Variants in KIAA0825 observed in about 807,000 individuals in gnomAD.
The protein encoded by KIAA0825 is KIAA0825.
KIAA0825 carries 119 observed loss-of-function variants against 147.6 expected under a neutral mutation model. The ratio of observed to expected loss-of-function variants is 0.81; its 90% CI spans 0.69 to 0.94. KIAA0825 has a LOEUF of 0.94. Among genes scored for constraint, KIAA0825 ranks in the 40% least tolerant of loss-of-function variants. The pLI, the probability that KIAA0825 is intolerant of heterozygous loss-of-function variation, is 0.00. For missense variants in KIAA0825, 1,381 were observed against 1,472.7 expected (o/e 0.94, Z 1.02); for synonymous variants, 470 against 518.1 (o/e 0.91, Z 1.26).
chr5:94,397,099 T>C (rs1750762561), intron 16 of KIAA0825, among the ~76,000 whole-genome samples: 1 of 152,118 alleles, frequency 6.6e-6, no homozygotes, highest in Admixed American at 6.6e-5. Context: ...GCACTCCCCA[T>C]CATCTAATAA....
intron 2 of KIAA0825, among the ~76,000 whole-genome samples, chr5:94,537,825 T>C (rs925158381): frequency 6.6e-6 from 1 of 152,048 alleles, no homozygotes; most frequent in Non-Finnish European, 1.5e-5. Flanking sequence ...CCTTTGTCAA[T>C]ATACTCACCT....
At chr5:94,426,018 T>G (rs1244824731) in intron 14 of KIAA0825, among the ~76,000 whole-genome samples, 4 of 138,750 alleles carry the variant, frequency 2.9e-5, no homozygotes, top group Non-Finnish European at 6.3e-5. Flanking sequence ...TGGATAATTT[T>G]TGTATTATTA....
chr5:94,420,908 A>G (rs1754098849), intron 14 of KIAA0825, among the ~76,000 whole-genome samples: 1 of 150,646 alleles, frequency 6.6e-6, no homozygotes, highest in Admixed American at 6.6e-5. Context: ...ACACATAATT[A>G]CCTGCTAGTC....
intron 20 of KIAA0825, among the ~76,000 whole-genome samples, chr5:94,177,046 G>C (rs1738803925): frequency 6.6e-6 from 1 of 152,022 alleles, no homozygotes; most frequent in African/African-American, 2.4e-5. Flanking sequence ...GCACACCACA[G>C]ATAATAAAAC....
chr5:94,182,239 A>G (rs1390209142), intron 20 of KIAA0825, among the ~76,000 whole-genome samples: 1 of 50,916 alleles, frequency 2.0e-5, no homozygotes, highest in African/African-American at 6.8e-5. Context: ...ACATAACTTA[A>G]AATGTCCCTT....
At chr5:94,402,890 A>C (rs1199270735) in intron 16 of KIAA0825, among the ~76,000 whole-genome samples, 1 of 152,084 alleles carries the variant, frequency 6.6e-6, no homozygotes, top group Non-Finnish European at 1.5e-5. Context: ...GAATCTTGTG[A>C]AATTCTGGAA....
chr5:94,518,855 A>G (rs920477301), intron 5 of KIAA0825, among the ~76,000 whole-genome samples: 1 of 152,146 alleles, frequency 6.6e-6, no homozygotes, highest in Non-Finnish European at 1.5e-5. Context: ...ATAGCAACTT[A>G]CACACATTTT....
intron 2 of KIAA0825, among the ~76,000 whole-genome samples, chr5:94,582,108 T>G (rs560459645): frequency 6.6e-6 from 1 of 152,386 alleles, no homozygotes; most frequent in East Asian, 1.9e-4. Flanking sequence ...CAGTTAGTGG[T>G]GGTTTTATCT....
intron 11 of KIAA0825, among the ~76,000 whole-genome samples, chr5:94,463,119 T>C (rs1356128870): frequency 6.6e-6 from 1 of 151,696 alleles, no homozygotes; most frequent in African/African-American, 2.4e-5. Flanking sequence ...TTAAATAAAT[T>C]TGTGGAAAAT....
chr5:94,234,907 A>G (rs1056771513), intron 20 of KIAA0825, among the ~76,000 whole-genome samples: 1 of 152,170 alleles, frequency 6.6e-6, no homozygotes, highest in Non-Finnish European at 1.5e-5. Context: ...AGGGGCATCA[A>G]CTGCGCCCAC....
At chr5:94,157,183 A>G (rs1412456228) in intron 20 of KIAA0825, among the ~76,000 whole-genome samples, 3 of 152,122 alleles carry the variant, frequency 2.0e-5, no homozygotes, top group Non-Finnish European at 4.4e-5. Context: ...ATTATGAGGT[A>G]ATTATATTTT....
chr5:94,184,751 G>C (rs1372013340), intron 20 of KIAA0825, among the ~76,000 whole-genome samples: 1 of 151,844 alleles, frequency 6.6e-6, no homozygotes. Context: ...AAAATATTAG[G>C]GTTTAAATGC....
chr5:94,515,438 A>G (rs139267446), intron 5 of KIAA0825, among the ~76,000 whole-genome samples: 2 of 152,198 alleles, frequency 1.3e-5, no homozygotes, highest in African/African-American at 4.8e-5. Context: ...TTAAAGCCTT[A>G]TAAGCTAAAT....
At chr5:94,471,761 A>G in intron 8 of KIAA0825, 30 bp from the exon 9 acceptor site, 10 of 1,548,074 alleles carry the variant, frequency 6.5e-6, no homozygotes, top group Non-Finnish European at 7.9e-6. Flanking sequence ...GCACTGAGTT[A>G]TTTGTATTCT....
chr5:94,588,957 G>A (rs753993351), intron 1 of KIAA0825, among the ~76,000 whole-genome samples: 23 of 152,258 alleles, frequency 1.5e-4, no homozygotes, highest in Middle Eastern at 3.4e-3. Context: ...ACTCATAAAC[G>A]GGAGTTGAAC....
chr5:94,250,770 G>T (rs894989620), intron 20 of KIAA0825, among the ~76,000 whole-genome samples: 2 of 152,020 alleles, frequency 1.3e-5, no homozygotes, highest in African/African-American at 4.8e-5. Flanking sequence ...GCTACAATTA[G>T]AAATTAACAA....
At chr5:94,287,308 T>C (rs1777704899) in intron 20 of KIAA0825, among the ~76,000 whole-genome samples, 1 of 152,204 alleles carries the variant, frequency 6.6e-6, no homozygotes, top group Non-Finnish European at 1.5e-5. Flanking sequence ...TCCAAAGGTC[T>C]GCAATGCTAT....
intron 6 of KIAA0825, among the ~76,000 whole-genome samples, chr5:94,484,537 C>T (rs930942841): frequency 6.6e-6 from 1 of 151,690 alleles, no homozygotes; most frequent in Non-Finnish European, 1.5e-5. Context: ...TAAAAATCAT[C>T]CAGAATTGAT....
At chr5:94,581,208 A>C (rs564352735) in intron 2 of KIAA0825, among the ~76,000 whole-genome samples, 1 of 152,354 alleles carries the variant, frequency 6.6e-6, no homozygotes, top group African/African-American at 2.4e-5. Flanking sequence ...GATTAGAGGT[A>C]CAAGAGGAAT....
Sources: gnomAD v4.1 joint callset for allele counts (sites outside exome capture counted in the v4.1 genomes callset) on GRCh38, gnomAD v4.1.1 for gene constraint, MANE v1.5 for transcripts, NCBI Gene and HGNC (gene_info 2026-07-23, HGNC 2026-07-21) for gene names.